RNF180: variants seen among roughly 807,000 people sequenced by gnomAD.
RNF180 encodes ring finger protein 180, also known as E3 ubiquitin-protein ligase RNF180.
A neutral mutation model predicts 59.2 loss-of-function variants in RNF180; 38 were observed. The observed-to-expected ratio is 0.64, with a 90% CI of 0.50 to 0.84. RNF180 has a LOEUF of 0.84. RNF180 is among the 40% of genes least tolerant of loss of function. The probability of loss-of-function intolerance (pLI) is 0.00; values close to 1 mark genes in which losing one functional copy is unlikely to be tolerated. For missense variants in RNF180, 705 were observed against 700.9 expected (o/e 1.01, Z -0.07); for synonymous variants, 262 against 240.3 (o/e 1.09, Z -0.84).
chr5:64,211,879 A>G (rs564581224), intron 2 of RNF180, among the ~76,000 whole-genome samples, 186 bp from the exon 3 acceptor site: 1 of 152,298 alleles, frequency 6.6e-6, no homozygotes, highest in Admixed American at 6.5e-5. Flanking sequence ...TATTCCCTGA[A>G]GAAATTTTTA....
intron 2 of RNF180, among the ~76,000 whole-genome samples, chr5:64,211,126 A>C (rs1260852288): frequency 2.0e-5 from 3 of 152,150 alleles, no homozygotes; most frequent in African/African-American, 7.2e-5. Flanking sequence ...TTTTCAGACC[A>C]GCTGGTGTTA....
chr5:64,245,041 A>G, intron 5 of RNF180, among the ~76,000 whole-genome samples: 1 of 152,248 alleles, frequency 6.6e-6, no homozygotes, highest in East Asian at 1.9e-4. Context: ...GAAAATTCTG[A>G]GAGATTTTGT....
chr5:64,320,541 C>T (rs1310864517), intron 5 of RNF180, among the ~76,000 whole-genome samples: 1 of 152,174 alleles, frequency 6.6e-6, no homozygotes, highest in African/African-American at 2.4e-5. Context: ...GTCAATTTCT[C>T]TATTCAGAGT....
chr5:64,231,509 T>A (rs1742100018), intron 5 of RNF180, among the ~76,000 whole-genome samples: 1 of 152,336 alleles, frequency 6.6e-6, no homozygotes, highest in East Asian at 1.9e-4. Flanking sequence ...TGCCACAAAC[T>A]TGCTGAGTTT....
intron 5 of RNF180, among the ~76,000 whole-genome samples, chr5:64,239,690 G>T (rs1202639298): frequency 1.3e-5 from 2 of 152,050 alleles, no homozygotes; most frequent in African/African-American, 4.8e-5. Flanking sequence ...TCATGAGTCT[G>T]TTATCATTGT....
chr5:64,325,792 G>A (rs1036341767), intron 6 of RNF180, among the ~76,000 whole-genome samples: 5 of 152,002 alleles, frequency 3.3e-5, no homozygotes, highest in African/African-American at 4.8e-5. Flanking sequence ...GAATAAATCC[G>A]TAAATATCTA....
At chr5:64,363,253 T>C (rs894855859) in intron 7 of RNF180, among the ~76,000 whole-genome samples, 44 of 151,656 alleles carry the variant, frequency 2.9e-4, no homozygotes, top group African/African-American at 1.0e-3. Context: ...CTTTAACCCA[T>C]TTGAATTGAT....
chr5:64,192,939 A>ATATATATATATATAT (rs1554028955), intron 1 of RNF180, among the ~76,000 whole-genome samples: 112 of 135,302 alleles, frequency 8.3e-4, no homozygotes, highest in African/African-American at 1.5e-3. Context: ...ATATATATAT[A>ATATATATATATATAT]AAATGAAACA....
chr5:64,199,109 C>T (rs553061617), intron 1 of RNF180, among the ~76,000 whole-genome samples: 5 of 152,298 alleles, frequency 3.3e-5, no homozygotes, highest in African/African-American at 4.8e-5. Context: ...TGAGCCACCA[C>T]GCCCGGCCAA....
At chr5:64,235,881 C>T (rs373978721) in intron 5 of RNF180, among the ~76,000 whole-genome samples, 1 of 152,208 alleles carries the variant, frequency 6.6e-6, no homozygotes, top group East Asian at 1.9e-4. Flanking sequence ...TTGCAAGTTT[C>T]CTGGGTCCTC....
intron 1 of RNF180, among the ~76,000 whole-genome samples, chr5:64,200,230 T>C (rs1751671595): frequency 6.6e-6 from 1 of 151,966 alleles, no homozygotes; most frequent in Non-Finnish European, 1.5e-5. Context: ...GCCAGGAATT[T>C]GATACTAGCC....
intron 1 of RNF180, among the ~76,000 whole-genome samples, chr5:64,184,292 G>T (rs1579948919): frequency 6.6e-6 from 1 of 152,164 alleles, no homozygotes; most frequent in East Asian, 1.9e-4. Flanking sequence ...TCATACCGTT[G>T]TCCTGTTTTT....
chr5:64,245,205 A>G (rs1166069356), intron 5 of RNF180, among the ~76,000 whole-genome samples: 2 of 152,224 alleles, frequency 1.3e-5, no homozygotes, highest in Non-Finnish European at 2.9e-5. Flanking sequence ...AAGAAACCAC[A>G]TCAACTAACA....
chr5:64,314,766 T>G (rs1406799711), intron 5 of RNF180, among the ~76,000 whole-genome samples: 1 of 152,186 alleles, frequency 6.6e-6, no homozygotes, highest in Admixed American at 6.6e-5. Flanking sequence ...ACACATGTAT[T>G]CTCATATCTG....
chr5:64,275,328 T>C (rs1260783363), intron 5 of RNF180, among the ~76,000 whole-genome samples: 1 of 143,940 alleles, frequency 6.9e-6, no homozygotes, highest in East Asian at 2.1e-4. Flanking sequence ...CTCTAAATCT[T>C]ATTCTCTAAA....
chr5:64,183,001 C>T (rs938588961), intron 1 of RNF180, among the ~76,000 whole-genome samples: 2 of 152,114 alleles, frequency 1.3e-5, no homozygotes, highest in African/African-American at 2.4e-5. Flanking sequence ...CTACTGTAGC[C>T]GGCTAAGATG....
chr5:64,303,448 G>A (rs1263495156), intron 5 of RNF180, among the ~76,000 whole-genome samples: 1 of 151,520 alleles, frequency 6.6e-6, no homozygotes, highest in African/African-American at 2.4e-5. Flanking sequence ...TGAAAGCAAA[G>A]AAAAAGTTCT....
intron 5 of RNF180, among the ~76,000 whole-genome samples, chr5:64,263,428 G>A (rs1055762187): frequency 4.6e-5 from 7 of 152,160 alleles, no homozygotes; most frequent in African/African-American, 1.7e-4. Flanking sequence ...GTTAGTATGA[G>A]TTGTCTCTAG....
chr5:64,260,080 C>A (rs1225597142), intron 5 of RNF180, among the ~76,000 whole-genome samples: 1 of 152,154 alleles, frequency 6.6e-6, no homozygotes, highest in East Asian at 1.9e-4. Flanking sequence ...TATATACTCA[C>A]AAATAAATGT....
Sources: gnomAD v4.1 joint callset for allele counts (sites outside exome capture counted in the v4.1 genomes callset) on GRCh38, gnomAD v4.1.1 for gene constraint, MANE v1.5 for transcripts, NCBI Gene and HGNC (gene_info 2026-07-23, HGNC 2026-07-21) for gene names.